SGMS2: variants seen among roughly 807,000 people sequenced by gnomAD.
SGMS2 encodes phosphatidylcholine:ceramide cholinephosphotransferase 2.
A neutral mutation model predicts 43.8 loss-of-function variants in SGMS2; 21 were observed. The observed-to-expected ratio is 0.48, with a 90% CI of 0.34 to 0.69. The LOEUF is 0.69. Among genes scored for constraint, SGMS2 ranks in the 30% least tolerant of loss-of-function variants. SGMS2 has a pLI of 0.01. For missense variants in SGMS2, 384 were observed against 443.2 expected, an observed-to-expected ratio of 0.87 and a Z score of 1.20; for synonymous variants, 167 against 160.6, an observed-to-expected ratio of 1.04 and a Z score of -0.30.
At chr4:107,855,132 T>G (rs1727351303) in intron 1 of SGMS2, among the ~76,000 whole-genome samples, 1 of 152,170 alleles carries the variant, frequency 6.6e-6, no homozygotes. Flanking sequence ...ATATAATGCT[T>G]ACTATATACC....
intron 2 of SGMS2, among the ~76,000 whole-genome samples, chr4:107,869,921 C>G (rs1467115772): frequency 1.3e-5 from 2 of 152,040 alleles, no homozygotes; most frequent in Non-Finnish European, 2.9e-5. Context: ...TTAACGAGGT[C>G]AGTAAAGCAG....
rs147662224 is a variant in SGMS2, at chr4:107,895,824, G to T, written c.271G>T (p.Val91Phe). 4.3e-6 allele frequency: 7 copies of T among 1,613,802 alleles called. No homozygotes were observed. In the African/African-American group the frequency reaches 5.3e-5, roughly 12 times the overall value. ...CTTCATATATGCAGTTTTCAACCTC[G>T]TCTTGACAACCGTCATGATCACAGT... ...IAFIYAVFNL[V>F]LTTVMITVVH... Residue 91 changes from valine to phenylalanine, a missense_variant, in exon 3 of 7, where the codon GTC becomes TTC. Coordinates refer to ENST00000690982, the MANE Select transcript of SGMS2 (RefSeq NM_001375905.1).
intron 2 of SGMS2, chr4:107,866,990 T>C (rs1008723839): frequency 3.3e-5 from 5 of 152,168 alleles, no homozygotes; most frequent in African/African-American, 1.2e-4. Context: ...ATCCAGGGCT[T>C]TGTCATGGCA....
chr4:107,850,744 T>A (rs1727091444), intron 1 of SGMS2, among the ~76,000 whole-genome samples: 1 of 152,202 alleles, frequency 6.6e-6, no homozygotes, highest in African/African-American at 2.4e-5. Flanking sequence ...AGCATCACCA[T>A]CCCGTTTTGT....
At chr4:107,824,877 AGGGAGCGGGCCGCGCGCGGCGGGCG>A (rs1725477747), upstream of SGMS2, 1 of 152,614 alleles carries the variant, frequency 6.6e-6, no homozygotes, top group Non-Finnish European at 1.5e-5. Context: ...CGCAGGGCGC[AGGGAGCGGGCCGCGCGCGGCGGGCG>A]GGGAGAGCGG....
At chr4:107,896,092 T>A (rs1271839409) in intron 3 of SGMS2, 84 bp downstream of exon 3, 1 of 1,268,180 alleles carries the variant, frequency 7.9e-7, no homozygotes, top group Non-Finnish European at 1.1e-6. Context: ...TTTTCCTTTT[T>A]TTCCCCCAAT....
chr4:107,898,221 A>AC (rs1367803129), intron 3 of SGMS2, among the ~76,000 whole-genome samples: 5 of 151,778 alleles, frequency 3.3e-5, no homozygotes, highest in African/African-American at 1.2e-4. Flanking sequence ...CTTGGGGATA[A>AC]ATAAATACTC....
chr4:107,848,933 T>C (rs192013330), intron 1 of SGMS2, among the ~76,000 whole-genome samples: 2 of 152,340 alleles, frequency 1.3e-5, no homozygotes, highest in African/African-American at 4.8e-5. Context: ...CTTTCTTTCA[T>C]GCTTTTGGTG....
rs1056026747 is a variant in SGMS2 at position 107,876,604 on chromosome 4, G to A, written c.-245+18051G>A. 1.6e-4 allele frequency among the ~76,000 whole-genome samples: 24 copies of A among 152,148 alleles called. 1 individual carries two copies. Among genetic ancestry groups the A allele is most frequent in the Non-Finnish European group, 1.8e-4 (12 of 68,038 alleles). On this transcript the variant is annotated intron_variant, in intron 2 of 6. Coordinates refer to ENST00000690982, the MANE Select transcript of SGMS2 (RefSeq NM_001375905.1). ...GAAATGGTATGAAATATATACACTG[G>A]TCTCCATGTGGTAGAGGGAGCAATC...
At chr4:107,830,852 G>A (rs1474541029) in intron 1 of SGMS2, among the ~76,000 whole-genome samples, 3 of 152,150 alleles carry the variant, frequency 2.0e-5, no homozygotes, top group South Asian at 2.1e-4. Context: ...TGAACGTGAA[G>A]TTCAGTCTTT....
chr4:107,870,737 T>C (rs1728500980), intron 2 of SGMS2, among the ~76,000 whole-genome samples: 2 of 152,212 alleles, frequency 1.3e-5, no homozygotes, highest in Admixed American at 1.3e-4. Context: ...TTAGAAACAA[T>C]AAAAACAAAA....
intron 1 of SGMS2, among the ~76,000 whole-genome samples, chr4:107,852,565 C>T (rs2126017365): frequency 6.6e-6 from 1 of 152,196 alleles, no homozygotes; most frequent in South Asian, 2.1e-4. Flanking sequence ...TATATTTACA[C>T]ATGCAACTTG....
At chr4:107,897,109 A>G (rs184214563) in intron 3 of SGMS2, among the ~76,000 whole-genome samples, 1 of 152,318 alleles carries the variant, frequency 6.6e-6, no homozygotes, top group Admixed American at 6.5e-5. Context: ...TAGAACTCTC[A>G]ATGTGGTATA....
At chr4:107,886,202 T>TTG (rs1306204680) in intron 2 of SGMS2, among the ~76,000 whole-genome samples, 3 of 147,596 alleles carry the variant, frequency 2.0e-5, no homozygotes, top group African/African-American at 7.5e-5. Context: ...TTTGTTGTTG[T>TTG]TTTTTTTTTT....
chr4:107,883,559 G>A (rs1729524661), intron 2 of SGMS2, among the ~76,000 whole-genome samples: 1 of 152,200 alleles, frequency 6.6e-6, no homozygotes, highest in South Asian at 2.1e-4. Flanking sequence ...CAGGTGATCT[G>A]CCTACCTCAG....
chr4:107,856,126 T>C (rs1727414048), intron 1 of SGMS2, among the ~76,000 whole-genome samples: 1 of 152,232 alleles, frequency 6.6e-6, no homozygotes, highest in African/African-American at 2.4e-5. Context: ...ACCTTCTCTA[T>C]ATTTACCTGC....
chr4:107,855,198 C>A (rs551868450), intron 1 of SGMS2, among the ~76,000 whole-genome samples: 6 of 151,928 alleles, frequency 3.9e-5, no homozygotes, highest in Non-Finnish European at 8.8e-5. Context: ...TTTCTTTTTT[C>A]TCCATTTATT....
At chr4:107,855,485 A>G (rs1215488733) in intron 1 of SGMS2, among the ~76,000 whole-genome samples, 1 of 152,166 alleles carries the variant, frequency 6.6e-6, no homozygotes, top group East Asian at 1.9e-4. Context: ...ATACATTTGC[A>G]CAGTTTCCAA....
intron 2 of SGMS2, among the ~76,000 whole-genome samples, chr4:107,860,433 A>G (rs1727659722): frequency 2.0e-5 from 3 of 152,138 alleles, no homozygotes; most frequent in Admixed American, 1.3e-4. Flanking sequence ...TAGACAATAT[A>G]TCTATATAAA....
Sources: gnomAD v4.1 joint callset for allele counts (sites outside exome capture counted in the v4.1 genomes callset) on GRCh38, gnomAD v4.1.1 for gene constraint, MANE v1.5 for transcripts, NCBI Gene and HGNC (gene_info 2026-07-23, HGNC 2026-07-21) for gene names.